REEP5: variants seen among roughly 807,000 people sequenced by gnomAD.
REEP5 encodes receptor accessory protein 5, also known as receptor expression-enhancing protein 5.
REEP5 carries 24 observed loss-of-function variants against 22.4 expected under a neutral mutation model. The observed-to-expected ratio is 1.07, with a 90% CI of 0.78 to 1.51. The LOEUF (loss-of-function observed/expected upper bound fraction) is 1.51. Among genes scored for constraint, REEP5 ranks in the 40% most tolerant of loss-of-function variants. The pLI, the probability that REEP5 is intolerant of heterozygous loss-of-function variation, is 0.00. For missense variants in REEP5, 252 were observed against 233.0 expected (o/e 1.08, Z -0.53); for synonymous variants, 103 against 88.6 (o/e 1.16, Z -0.92).
rs187800464 is a variant in REEP5, at chr5:112,889,493, C to T, written c.352-2310G>A. On this transcript the variant is annotated intron_variant, in intron 3 of 4. Transcript: ENST00000379638. ...GCAATTCACCAAGAATATTAAAATT[C>T]CTGAACTTGTATATACCTTTGAAAT... Among the ~76,000 whole-genome samples the T allele has an allele frequency of 3.7e-3, 559 of 150,602 alleles. 8 individuals are homozygous for T. Among genetic ancestry groups the T allele is most frequent in the Non-Finnish European group, 5.5e-3 (377 of 67,952 alleles).
intron 1 of REEP5, chr5:112,921,606 G>C: frequency 3.1e-6 from 1 of 327,606 alleles, no homozygotes; most frequent in Non-Finnish European, 5.8e-6. Flanking sequence ...GCGCTCAGCG[G>C]GGAGCGTCCC....
chr5:112,877,779 T>C lies in REEP5; in HGVS notation c.*1007A>G, dbSNP rs373571018. 6.7e-4 allele frequency: 102 copies of C among 152,164 alleles called. No homozygotes were observed. The highest frequency in any genetic ancestry group is 2.2e-3 in the African/African-American group (93 of 41,506). 9.4% of individuals were successfully genotyped at this position (152,164 alleles called of 1,614,324 possible). A position where few individuals can be genotyped will look rare whatever the true frequency, so the allele number is the denominator to read the frequency against. On this transcript the variant is annotated 3_prime_UTR_variant, in exon 5 of 5. Transcript: ENST00000379638. ...ACAAGAACATACATGTAATCAGAGG[T>C]GGACAAATCTTCAGAAGTTCCTTAA...
chr5:112,906,088 T>A (rs979147789), intron 2 of REEP5, among the ~76,000 whole-genome samples: 3 of 152,210 alleles, frequency 2.0e-5, no homozygotes, highest in Non-Finnish European at 4.4e-5. Context: ...CATGAAACCA[T>A]AAGATATGCT....
At chr5:112,898,325 G>A (rs865906593) in intron 3 of REEP5, 7 of 152,188 alleles carry the variant, frequency 4.6e-5, no homozygotes, top group Non-Finnish European at 1.0e-4. Context: ...TTTCAAGTAT[G>A]TTATCTATTT....
intron 2 of REEP5, among the ~76,000 whole-genome samples, chr5:112,914,952 A>C (rs2150048040): frequency 6.6e-6 from 1 of 152,378 alleles, no homozygotes; most frequent in East Asian, 1.9e-4. Context: ...CACAATTTTG[A>C]AATTGTTTTA....
At chr5:112,906,641 T>C (rs1170527270) in intron 2 of REEP5, among the ~76,000 whole-genome samples, 1 of 152,134 alleles carries the variant, frequency 6.6e-6, no homozygotes, top group Non-Finnish European at 1.5e-5. Flanking sequence ...GTGTTCTGAG[T>C]TGGTGTCCTA....
At chr5:112,921,364 G>A in intron 1 of REEP5, 108 bp from the exon 2 acceptor site, 1 of 1,031,120 alleles carries the variant, frequency 9.7e-7, no homozygotes, top group Non-Finnish European at 1.5e-6. Flanking sequence ...TTTTCCTCTC[G>A]ACTCGATTAA....
At chr5:112,910,074 G>C (rs1284846812) in intron 2 of REEP5, among the ~76,000 whole-genome samples, 20 of 152,218 alleles carry the variant, frequency 1.3e-4, no homozygotes, top group Non-Finnish European at 2.6e-4. Flanking sequence ...AGGCCAAGGA[G>C]GGTGGATCAC....
At chr5:112,903,610 G>T (rs1768893458) in intron 2 of REEP5, among the ~76,000 whole-genome samples, 1 of 152,150 alleles carries the variant, frequency 6.6e-6, no homozygotes, top group African/African-American at 2.4e-5. Context: ...CAAATACATT[G>T]GCTACTCCAT....
intron 2 of REEP5, among the ~76,000 whole-genome samples, chr5:112,908,619 G>A (rs867016001): frequency 2.0e-4 from 31 of 151,720 alleles, no homozygotes; most frequent in African/African-American, 5.8e-4. Context: ...TCTGCCTCCC[G>A]GGTTCATGCC....
At chr5:112,904,316 G>C (rs921045557) in intron 2 of REEP5, among the ~76,000 whole-genome samples, 1 of 152,182 alleles carries the variant, frequency 6.6e-6, no homozygotes, top group African/African-American at 2.4e-5. Context: ...TATCCTTTAT[G>C]TGTAAGATTT....
chr5:112,917,650 C>T (rs946105651), intron 2 of REEP5, among the ~76,000 whole-genome samples: 20 of 152,204 alleles, frequency 1.3e-4, no homozygotes, highest in Non-Finnish European at 5.9e-5. Flanking sequence ...GGAGGGACTG[C>T]ACCAGGAGGA....
chr5:112,892,826 G>T, intron 3 of REEP5: 2 of 1,613,770 alleles, frequency 1.2e-6, no homozygotes, highest in Non-Finnish European at 1.7e-6. Flanking sequence ...ACCTACAAAA[G>T]AAATGGGGAA....
chr5:112,909,519 T>C (rs2150046539), intron 2 of REEP5, among the ~76,000 whole-genome samples: 1 of 152,216 alleles, frequency 6.6e-6, no homozygotes, highest in African/African-American at 2.4e-5. Flanking sequence ...AAATCCCATA[T>C]GCTACAGGTA....
chr5:112,916,589 A>G (rs1330931313), intron 2 of REEP5, among the ~76,000 whole-genome samples: 1 of 152,252 alleles, frequency 6.6e-6, no homozygotes, highest in Non-Finnish European at 1.5e-5. Flanking sequence ...GGAAAAATAC[A>G]CTGCACAAAG....
chr5:112,892,337 G>C (rs1347559837), intron 3 of REEP5: 1 of 1,614,142 alleles, frequency 6.2e-7, no homozygotes, highest in Non-Finnish European at 8.5e-7. Flanking sequence ...CTGGAGTACA[G>C]CGAGGAAGAA....
intron 1 of REEP5, 183 bp downstream of exon 1, chr5:112,921,890 C>T (rs1037934029): frequency 3.5e-5 from 24 of 682,932 alleles, no homozygotes; most frequent in Non-Finnish European, 4.4e-5. Flanking sequence ...GCCTGGGCAG[C>T]CCCCGCGGGG....
intron 3 of REEP5, among the ~76,000 whole-genome samples, chr5:112,902,166 G>A (rs1768863977): frequency 6.7e-6 from 1 of 150,020 alleles, no homozygotes; most frequent in Admixed American, 6.6e-5. Flanking sequence ...GTGCGCCTAT[G>A]GTCCCAGCTA....
At chr5:112,892,938 C>G (rs1768532918) in intron 3 of REEP5, 2 of 1,600,746 alleles carry the variant, frequency 1.2e-6, no homozygotes, top group African/African-American at 1.3e-5. Context: ...GAAATAGGCA[C>G]CGCAGCTGGG....
Sources: gnomAD v4.1 joint callset for allele counts (sites outside exome capture counted in the v4.1 genomes callset) on GRCh38, gnomAD v4.1.1 for gene constraint, MANE v1.5 for transcripts, NCBI Gene and HGNC (gene_info 2026-07-23, HGNC 2026-07-21) for gene names.